CSMD3: variants seen among roughly 807,000 people sequenced by gnomAD.
CSMD3 encodes CUB and Sushi multiple domains 3.
CSMD3 carries 177 observed loss-of-function variants against 435.2 expected under a neutral mutation model. The ratio of observed to expected loss-of-function variants is 0.41; its 90% CI spans 0.36 to 0.46. CSMD3 has a LOEUF of 0.46. Ranked by LOEUF, CSMD3 falls within the 20% of genes least tolerant of loss-of-function variation. The probability of loss-of-function intolerance (pLI) is 0.34; values close to 1 mark genes in which losing one functional copy is unlikely to be tolerated. For missense variants in CSMD3, 4,265 were observed against 4,504.6 expected (o/e 0.95, Z 1.52); for synonymous variants, 1,656 against 1,520.5 (o/e 1.09, Z -2.07).
intron 38 of CSMD3, among the ~76,000 whole-genome samples, chr8:112,360,516 T>C (rs1827085788): frequency 1.3e-5 from 2 of 152,036 alleles, no homozygotes; most frequent in Admixed American, 1.3e-4. Context: ...CTTATATGTA[T>C]ATAATCACAG....
At chr8:112,520,460 T>G (rs1394439574) in intron 27 of CSMD3, among the ~76,000 whole-genome samples, 1 of 151,946 alleles carries the variant, frequency 6.6e-6, no homozygotes, top group African/African-American at 2.4e-5. Flanking sequence ...ACCTATCCCA[T>G]TACCAGAAAT....
At chr8:113,221,996 T>C (rs1481962076) in intron 3 of CSMD3, among the ~76,000 whole-genome samples, 1 of 148,776 alleles carries the variant, frequency 6.7e-6, no homozygotes, top group Non-Finnish European at 1.5e-5. Context: ...TCAATGCGCA[T>C]TTGTTGACAA....
intron 3 of CSMD3, among the ~76,000 whole-genome samples, chr8:113,265,674 T>C (rs1458064876): frequency 2.6e-5 from 4 of 151,612 alleles, no homozygotes; most frequent in African/African-American, 4.8e-5. Context: ...AGTTTCTTTA[T>C]TTTGAAGATT....
At chr8:112,944,490 ACT>A (rs766554003) in intron 9 of CSMD3, among the ~76,000 whole-genome samples, 1 of 151,332 alleles carries the variant, frequency 6.6e-6, no homozygotes, top group Non-Finnish European at 1.5e-5. Flanking sequence ...CTAAAAAGAA[ACT>A]CTCTCTTGAT....
In CSMD3 at chr8:112,650,343, G is replaced by C; in HGVS notation, c.3011C>G (p.Thr1004Arg). The C allele has an allele frequency of 6.2e-7, 1 of 1,612,560 alleles. No homozygotes were observed. The highest frequency in any genetic ancestry group is 8.5e-7 in the Non-Finnish European group (1 of 1,178,668). The part of the protein sequence containing the change: ...NGFKIHYESV[T>R]VNTYSCLDPG... ...GTCCAAACAAGAATACGTGTTCACT[G>C]TAACACCTGGAAAACAAAGGGAAGA... The change falls in exon 19 of 71, where the codon ACA becomes AGA. Residue 1004 changes from threonine (T) to arginine (R), a missense_variant. Coordinates refer to ENST00000297405, the MANE Select transcript of CSMD3 (RefSeq NM_198123.2).
In CSMD3 at chr8:112,384,370, T is replaced by C. The variant is rs115922596; in HGVS notation, c.5935-707A>G. On this transcript the variant is annotated intron_variant, in intron 36 of 70. Transcript: ENST00000297405. Reference sequence around the variant, plus strand: ...GAAGGAAAATACTGGGGAGGTTTAATTCTCTCCTGTCTATTACAGTTTATT... The same window carrying C: ...GAAGGAAAATACTGGGGAGGTTTAACTCTCTCCTGTCTATTACAGTTTATT... Among the ~76,000 whole-genome samples the C allele has an allele frequency of 4.4e-3, 675 of 152,344 alleles. 6 individuals carry two copies. Among genetic ancestry groups the C allele is most frequent in the African/African-American group, 0.016 (649 of 41,582 alleles).
intron 1 of CSMD3, among the ~76,000 whole-genome samples, chr8:113,411,736 A>C (rs1277483827): frequency 6.6e-6 from 1 of 152,178 alleles, no homozygotes; most frequent in Non-Finnish European, 1.5e-5. Context: ...ATTACTTTAA[A>C]TATGAAAGAT....
At chr8:113,013,748 C>G (rs1288381514) in intron 6 of CSMD3, among the ~76,000 whole-genome samples, 2 of 151,970 alleles carry the variant, frequency 1.3e-5, no homozygotes, top group African/African-American at 4.8e-5. Context: ...GCCTGGGGAG[C>G]GAGTCCATTG....
intron 22 of CSMD3, among the ~76,000 whole-genome samples, chr8:112,635,449 A>C (rs1421362318): frequency 6.6e-6 from 1 of 152,056 alleles, no homozygotes; most frequent in African/African-American, 2.4e-5. Context: ...TGGCATAATG[A>C]AGTAAAGTAC....
chr8:112,370,564 G>T (rs4563913), intron 38 of CSMD3, among the ~76,000 whole-genome samples: 65,672 of 151,780 alleles, frequency 0.43, 14,755 homozygotes, highest in Middle Eastern at 0.54. Context: ...TCGTGGTATT[G>T]GCTCTAGCTG....
At chr8:113,310,456 C>T (rs1262891050) in intron 2 of CSMD3, 2 of 151,400 alleles carry the variant, frequency 1.3e-5, no homozygotes, top group African/African-American at 4.8e-5. Context: ...ATATTTTTGT[C>T]ACAAAAAGGA....
chr8:112,765,218 CAG>C (rs1320831226), intron 13 of CSMD3, among the ~76,000 whole-genome samples: 1 of 151,288 alleles, frequency 6.6e-6, no homozygotes, highest in Non-Finnish European at 1.5e-5. Context: ...TTGAGAAAAA[CAG>C]GGAAATCAGA....
intron 23 of CSMD3, among the ~76,000 whole-genome samples, chr8:112,576,501 C>G (rs1829954635): frequency 6.6e-6 from 1 of 151,878 alleles, no homozygotes; most frequent in South Asian, 2.1e-4. Context: ...ATTAGAAGCA[C>G]ACAGCATACA....
At chr8:112,689,220 A>G (rs1438009426) in intron 14 of CSMD3, among the ~76,000 whole-genome samples, 1 of 152,056 alleles carries the variant, frequency 6.6e-6, no homozygotes, top group Non-Finnish European at 1.5e-5. Context: ...GCCAGATTCT[A>G]AAAATATCCA....
At chr8:112,927,274 A>G (rs976360064) in intron 9 of CSMD3, among the ~76,000 whole-genome samples, 7 of 150,888 alleles carry the variant, frequency 4.6e-5, no homozygotes, top group African/African-American at 1.7e-4. Context: ...AAAAGTGAAA[A>G]CCACTTAAGC....
intron 1 of CSMD3, among the ~76,000 whole-genome samples, chr8:113,399,140 A>G (rs571622525): frequency 1.0e-3 from 146 of 145,750 alleles, no homozygotes; most frequent in African/African-American, 3.4e-3. Context: ...ATGTGTGTGT[A>G]TATATACAGT....
At chr8:113,131,522 T>G (rs2131683956) in intron 4 of CSMD3, among the ~76,000 whole-genome samples, 1 of 151,918 alleles carries the variant, frequency 6.6e-6, no homozygotes, top group South Asian at 2.1e-4. Context: ...AAGGCAAGAG[T>G]TGAGGTTTGG....
chr8:113,040,449 G>A (rs1255531305), intron 5 of CSMD3, among the ~76,000 whole-genome samples: 2 of 152,316 alleles, frequency 1.3e-5, no homozygotes, highest in East Asian at 1.9e-4. Context: ...GCAGGGACAG[G>A]TGGAAGTTAC....
intron 3 of CSMD3, among the ~76,000 whole-genome samples, chr8:113,205,412 A>T (rs1158856833): frequency 6.6e-6 from 1 of 152,166 alleles, no homozygotes; most frequent in East Asian, 1.9e-4. Context: ...GGAATTCAAG[A>T]TGAGATGTGG....
Sources: allele counts gnomAD v4.1 joint callset (sites outside exome capture counted in the v4.1 genomes callset), GRCh38; gene constraint gnomAD v4.1.1; transcripts MANE v1.5; gene names NCBI Gene and HGNC (gene_info 2026-07-23, HGNC 2026-07-21).